EDRF1: variants seen among roughly 807,000 people sequenced by gnomAD.
The protein encoded by EDRF1 is erythroid differentiation-related factor 1.
EDRF1 carries 69 observed loss-of-function variants against 148.7 expected under a neutral mutation model. The observed-to-expected ratio is 0.46, with a 90% CI of 0.38 to 0.57. EDRF1 has a LOEUF of 0.57. EDRF1 is among the 20% of genes least tolerant of loss of function. The pLI is 0.00. For synonymous variants in EDRF1, 515 were observed against 532.8 expected (o/e 0.97, Z 0.46); for missense variants, 1,118 against 1,478.7 (o/e 0.76, Z 4.00).
At position 125,745,804 on chromosome 10, in the gene EDRF1, C is replaced by T. The variant is rs1305654172; in HGVS notation, c.2688C>T (p.Ala896=). ...GIHNFESIED[A]TNAALLLCNT... is the part of the protein sequence containing the mutation. ...ACAACTTTGAATCAATTGAGGATGC[C>T]ACCAATGCCGCCCTTTTATTATGTA... is the stretch of plus-strand genomic sequence containing the variant. The change falls in exon 19 of 25, where the codon GCC becomes GCT. Residue 896 remains alanine, a synonymous_variant. Coordinates refer to ENST00000356792, the MANE Select transcript of EDRF1 (RefSeq NM_001202438.2). The T allele has an allele frequency of 3.1e-6, 5 of 1,614,046 alleles. No homozygotes were observed. The Admixed American group carries it at 5.0e-5, about 16-fold the overall frequency.
intron 9 of EDRF1, among the ~76,000 whole-genome samples, chr10:125,731,499 A>G (rs1267462124): frequency 6.6e-6 from 1 of 152,248 alleles, no homozygotes; most frequent in Non-Finnish European, 1.5e-5. Context: ...GGATTTATGT[A>G]GCAGAATAGC....
At chr10:125,725,500 G>A in intron 5 of EDRF1, 58 bp downstream of exon 5, 1 of 1,604,678 alleles carries the variant, frequency 6.2e-7, no homozygotes, top group Admixed American at 1.7e-5. Flanking sequence ...CTAAAATTTA[G>A]TGTGAAGCTT....
intron 24 of EDRF1, among the ~76,000 whole-genome samples, chr10:125,756,500 C>G (rs1849905482): frequency 6.6e-6 from 1 of 152,212 alleles, no homozygotes; most frequent in Non-Finnish European, 1.5e-5. Context: ...GAATTTCTGT[C>G]TATTGCTATC....
intron 2 of EDRF1, among the ~76,000 whole-genome samples, chr10:125,722,541 T>C (rs1848058658): frequency 6.6e-6 from 1 of 152,196 alleles, no homozygotes; most frequent in African/African-American, 2.4e-5. Flanking sequence ...GTACGTGGCA[T>C]CAGTTGGCTG....
chr10:125,730,761 G>C (rs180679329), intron 9 of EDRF1, among the ~76,000 whole-genome samples: 1 of 152,164 alleles, frequency 6.6e-6, no homozygotes, highest in Non-Finnish European at 1.5e-5. Flanking sequence ...TTAGGGAAAG[G>C]TCTTGTAAAA....
rs1444843753 is a variant in EDRF1 at position 125,742,680 on chromosome 10, CTTAAAG to C, written c.2372-373_2372-368del. The stretch of plus-strand genomic sequence containing the variant: ...GCTTCTGTAGCAGCCTCTTCAGTGA[CTTAAAG>C]TTAATATTGGGACATTATTTCAAGA... On this transcript the variant is annotated intron_variant, in intron 17 of 24. Transcript: ENST00000356792. 5.1e-6 allele frequency: 5 copies of C among 984,890 alleles called. No individual in the cohort carries two copies. In the East Asian group the frequency reaches 4.5e-4, roughly 89 times the overall value. The allele number at this position is 984,890 out of a possible 1,614,324, so 61.0% of individuals were successfully genotyped here. A position where few individuals can be genotyped will look rare whatever the true frequency, so the allele number is the denominator to read the frequency against.
chr10:125,757,645 T>C (rs991867959), intron 24 of EDRF1, among the ~76,000 whole-genome samples: 3 of 152,354 alleles, frequency 2.0e-5, no homozygotes, highest in African/African-American at 7.2e-5. Context: ...TTCTATCTTT[T>C]CAATTGAGAG....
intron 12 of EDRF1, 122 bp from the exon 13 acceptor site, chr10:125,735,522 A>G: frequency 3.3e-6 from 3 of 910,136 alleles, no homozygotes; most frequent in Non-Finnish European, 5.1e-6. Flanking sequence ...TGTGTGTGTT[A>G]CAGTCTATAT....
At chr10:125,757,852 AC>A (rs1849990163) in intron 24 of EDRF1, among the ~76,000 whole-genome samples, 2 of 151,732 alleles carry the variant, frequency 1.3e-5, no homozygotes, top group South Asian at 4.2e-4. Flanking sequence ...TAGGCGCCTC[AC>A]CCCCCAGCAG....
intron 1 of EDRF1, 118 bp downstream of exon 1, chr10:125,720,033 C>T (rs112911176): frequency 2.3e-6 from 2 of 863,854 alleles, no homozygotes; most frequent in Admixed American, 2.7e-5. Flanking sequence ...TTCCCTGACA[C>T]CCCCAAAACA....
chr10:125,742,735 G>A lies in EDRF1; in HGVS notation c.2372-323G>A, dbSNP rs7100477. 3,991 of 985,074 alleles carry A rather than the reference G, an allele frequency of 4.1e-3. 106 individuals are homozygous for A. In the East Asian group the frequency reaches 0.094, roughly 23 times the overall value. The allele number at this position is 985,074 out of a possible 1,614,324, so 61.0% of individuals were successfully genotyped here. ...GAACTATTTCCATTAGTTAAAAATA[G>A]CAACTTTACTTTGTATTAGTGGACA... On this transcript the variant is annotated intron_variant, in intron 17 of 24. Coordinates refer to ENST00000356792, the MANE Select transcript of EDRF1 (RefSeq NM_001202438.2).
At chr10:125,740,335 G>A (rs1377975806) in intron 15 of EDRF1, 128 bp from the exon 16 acceptor site, 2 of 976,078 alleles carry the variant, frequency 2.0e-6, no homozygotes, top group Non-Finnish European at 3.2e-6. Context: ...AAGCAGTAAA[G>A]CATAGTATTT....
At position 125,725,923 on chromosome 10, in the gene EDRF1, A is replaced by G. The variant is rs975417117; in HGVS notation, c.792+85A>G. 59 of 1,402,506 alleles carry G rather than the reference A, an allele frequency of 4.2e-5. 1 individual carries two copies. Among genetic ancestry groups the G allele is most frequent in the Non-Finnish European group, 5.6e-5 (57 of 1,011,744 alleles). The allele number at this position is 1,402,506 out of a possible 1,614,324, so 86.9% of individuals were successfully genotyped here. On this transcript the variant is annotated intron_variant, in intron 6 of 24. Transcript: ENST00000356792. Reference sequence around the variant, plus strand: ...TCTCGTTAAAAAAAAAAAAAGATGAACAGGACTAAGAAATATTCTGTCAGC... The same window carrying G: ...TCTCGTTAAAAAAAAAAAAAGATGAGCAGGACTAAGAAATATTCTGTCAGC...
At chr10:125,749,195 C>T in intron 21 of EDRF1, 1 of 544,270 alleles carries the variant, frequency 1.8e-6, no homozygotes. Flanking sequence ...TGCAGTGAGC[C>T]AGGATTGCAC....
At position 125,747,898 on chromosome 10, in the gene EDRF1, C is replaced by A. The variant is rs926883500; in HGVS notation, c.3009C>A (p.Ser1003=). 1.9e-6 allele frequency: 3 copies of A among 1,614,012 alleles called. No individual in the cohort carries two copies. Among genetic ancestry groups the A allele is most frequent in the Non-Finnish European group, 2.5e-6 (3 of 1,180,034 alleles). ...AAGTCAGTGAGGCCATGATGAAGTC[C>A]CTAAAATACTGCGATGTGGATTCAG... The part of the protein sequence containing the change: ...EKEVSEAMMK[S]LKYCDVDSVS... The change falls in exon 21 of 25, where the codon TCC becomes TCA. Residue 1003 remains serine, a synonymous_variant. Transcript: ENST00000356792.
rs1849329857 is a variant in EDRF1, at chr10:125,745,913, G to A, written c.2797G>A (p.Gly933Ser). 1 of 1,614,058 alleles carries A rather than the reference G, an allele frequency of 6.2e-7. No individual in the cohort carries two copies. Among genetic ancestry groups the A allele is most frequent in the Non-Finnish European group, 8.5e-7 (1 of 1,180,042 alleles). ...GAAACGTGAATTTTCACCAGAAGAA[G>A]GCTTGTATTATAATAAGGTAACACA... ...ELKREFSPEE[G>S]LYYNKAIDYY... Residue 933 changes from glycine to serine, a missense_variant, in exon 19 of 25, where the codon GGC becomes AGC. Physicochemically the swap from Gly to Ser is moderately conservative, Grantham distance 56. Coordinates refer to ENST00000356792, the MANE Select transcript of EDRF1 (RefSeq NM_001202438.2).
At chr10:125,751,210 A>G (rs758693333) in intron 22 of EDRF1, among the ~76,000 whole-genome samples, 12 of 152,208 alleles carry the variant, frequency 7.9e-5, no homozygotes, top group Non-Finnish European at 1.5e-4. Flanking sequence ...AAGTGCTGGA[A>G]GATACTGGAA....
chr10:125,729,625 A>T (rs1289881022), intron 8 of EDRF1, 146 bp downstream of exon 8: 1 of 1,090,918 alleles, frequency 9.2e-7, no homozygotes, highest in Non-Finnish European at 1.4e-6. Context: ...CGTCTCAAAA[A>T]AGAATCAGTG....
intron 17 of EDRF1, chr10:125,742,148 T>G: frequency 9.5e-7 from 1 of 1,053,208 alleles, no homozygotes; most frequent in Non-Finnish European, 1.3e-6. Context: ...TGAAATAAAG[T>G]GATCATTGTT....
Sources: gnomAD v4.1 joint callset for allele counts (sites outside exome capture counted in the v4.1 genomes callset) on GRCh38, gnomAD v4.1.1 for gene constraint, MANE v1.5 for transcripts, NCBI Gene and HGNC (gene_info 2026-07-23, HGNC 2026-07-21) for gene names.